The following OR2L13 variants were observed in gnomAD, a reference collection of about 807,000 sequenced individuals.
The protein encoded by OR2L13 is olfactory receptor family 2 subfamily L member 13, also known as olfactory receptor 2L13.
A neutral mutation model predicts 15.3 loss-of-function variants in OR2L13; 14 were observed. That is an observed-to-expected ratio of 0.91 (90% CI 0.60 to 1.43). The LOEUF (loss-of-function observed/expected upper bound fraction) is 1.43. Ranked by LOEUF, OR2L13 falls within the 40% of genes most tolerant of loss-of-function variation. The pLI, the probability that OR2L13 is intolerant of heterozygous loss-of-function variation, is 0.00. For missense variants in OR2L13, 367 were observed against 387.9 expected (o/e 0.95, Z 0.45); for synonymous variants, 152 against 142.9 (o/e 1.06, Z -0.45).
the OR2L13 span, among the ~76,000 whole-genome samples, chr1:247,973,050 G>C: frequency 6.6e-6 from 1 of 152,090 alleles, no homozygotes; most frequent in African/African-American, 2.4e-5. Context: ...GATAGATGCA[G>C]GAAAGGCTTT....
At chr1:248,075,775 T>G in the OR2L13 span, among the ~76,000 whole-genome samples, 1 of 152,244 alleles carries the variant, frequency 6.6e-6, no homozygotes, top group African/African-American at 2.4e-5. Context: ...ATGGGTAGAT[T>G]GCAAAAATTT....
chr1:247,982,563 A>T, the OR2L13 span, among the ~76,000 whole-genome samples: 3 of 152,182 alleles, frequency 2.0e-5, no homozygotes, highest in Admixed American at 1.3e-4. Flanking sequence ...TATTATGCTG[A>T]ATATGTAGAT....
At chr1:248,067,655 G>A in the OR2L13 span, among the ~76,000 whole-genome samples, 9 of 152,288 alleles carry the variant, frequency 5.9e-5, no homozygotes, top group East Asian at 1.9e-4. Flanking sequence ...AGGACAGTGG[G>A]TGCAGCGCAC....
the OR2L13 span, chr1:247,949,362 C>T: frequency 4.5e-5 from 72 of 1,614,046 alleles, no homozygotes; most frequent in Admixed American, 8.5e-4. Flanking sequence ...TCCTTATTGC[C>T]GATCCAGGGC....
the OR2L13 span, among the ~76,000 whole-genome samples, chr1:248,071,172 G>A: frequency 3.0e-4 from 46 of 152,088 alleles, no homozygotes; most frequent in Middle Eastern, 3.4e-3. Context: ...AGACACAACC[G>A]AAAAAGAGAA....
chr1:247,953,036 T>C, the OR2L13 span, among the ~76,000 whole-genome samples: 1 of 152,194 alleles, frequency 6.6e-6, no homozygotes, highest in Non-Finnish European at 1.5e-5. Context: ...TCTAACATGC[T>C]GTCTTCACTT....
At chr1:248,028,378 C>A in the OR2L13 span, among the ~76,000 whole-genome samples, 34 of 152,142 alleles carry the variant, frequency 2.2e-4, no homozygotes, top group African/African-American at 7.7e-4. Context: ...AGGCCTGTGC[C>A]AACATCCCTT....
chr1:248,064,654 C>T, the OR2L13 span, among the ~76,000 whole-genome samples: 1 of 152,140 alleles, frequency 6.6e-6, no homozygotes, highest in Non-Finnish European at 1.5e-5. Flanking sequence ...GGAGACCTAG[C>T]TGTATGATTT....
the OR2L13 span, among the ~76,000 whole-genome samples, chr1:248,047,031 C>G: frequency 6.6e-6 from 1 of 152,140 alleles, no homozygotes; most frequent in African/African-American, 2.4e-5. Context: ...CAGCAGGAAT[C>G]TTGGAGTATG....
At chr1:248,094,240 AAG>A (rs1406109761), upstream of OR2L13, among the ~76,000 whole-genome samples, 1 of 152,276 alleles carries the variant, frequency 6.6e-6, no homozygotes, top group South Asian at 2.1e-4. Context: ...GAAAAAAACA[AAG>A]AACATGGATA....
chr1:248,039,801 A>G, the OR2L13 span: 3 of 152,160 alleles, frequency 2.0e-5, no homozygotes, highest in African/African-American at 7.2e-5. Context: ...AATATTAAAT[A>G]GTTTTTATTT....
intron 1 of OR2L13, among the ~76,000 whole-genome samples, chr1:248,097,909 C>A (rs1297115695): frequency 2.0e-5 from 3 of 152,224 alleles, no homozygotes; most frequent in Admixed American, 1.3e-4. Context: ...CCTGATGAAT[C>A]ATTCTATCCC....
the OR2L13 span, among the ~76,000 whole-genome samples, chr1:247,968,575 A>G: frequency 1.4e-5 from 2 of 139,664 alleles, no homozygotes; most frequent in African/African-American, 2.7e-5. Flanking sequence ...ATTCCCACCT[A>G]TGACTGAGAA....
At chr1:248,035,253 A>G in the OR2L13 span, among the ~76,000 whole-genome samples, 892 of 152,174 alleles carry the variant, frequency 5.9e-3, 8 homozygotes, top group Admixed American at 9.4e-3. Flanking sequence ...GATCGAGACC[A>G]TCCTGGCTAA....
At chr1:247,948,779 A>G in the OR2L13 span, 17 of 1,195,108 alleles carry the variant, frequency 1.4e-5, no homozygotes, top group Non-Finnish European at 2.0e-5. Context: ...CTTGGAATGC[A>G]TCCCCTGCAG....
chr1:247,959,517 G>A, the OR2L13 span, among the ~76,000 whole-genome samples: 1 of 151,768 alleles, frequency 6.6e-6, no homozygotes, highest in Non-Finnish European at 1.5e-5. Flanking sequence ...AAGTTCTCTT[G>A]GATAATATCC....
the OR2L13 span, chr1:248,022,406 C>T: frequency 3.1e-6 from 5 of 1,614,158 alleles, no homozygotes; most frequent in Non-Finnish European, 4.2e-6. Context: ...TAGGCTCCAT[C>T]AACTCTTGTG....
At chr1:247,992,699 G>A in the OR2L13 span, among the ~76,000 whole-genome samples, 5,144 of 152,246 alleles carry the variant, frequency 0.034, 247 homozygotes, top group African/African-American at 0.12. Flanking sequence ...CTTGCAAACA[G>A]TATGCTCTTA....
chr1:247,958,454 A>G, the OR2L13 span, among the ~76,000 whole-genome samples: 2 of 152,182 alleles, frequency 1.3e-5, no homozygotes. Flanking sequence ...GATGTCTATT[A>G]GGTCCGCTTG....
Sources: gnomAD v4.1 joint callset for allele counts (sites outside exome capture counted in the v4.1 genomes callset) on GRCh38, gnomAD v4.1.1 for gene constraint, MANE v1.5 for transcripts, NCBI Gene and HGNC (gene_info 2026-07-23, HGNC 2026-07-21) for gene names.